Variants in PLXNA2 observed in about 807,000 individuals in gnomAD.
PLXNA2 encodes plexin-A2.
A neutral mutation model predicts 193.5 loss-of-function variants in PLXNA2; 91 were observed. That is an observed-to-expected ratio of 0.47 (90% CI 0.40 to 0.56). The LOEUF (loss-of-function observed/expected upper bound fraction) is 0.56, where lower values mean the gene tolerates loss of function less well. Ranked by LOEUF, PLXNA2 falls within the 20% of genes least tolerant of loss-of-function variation. The pLI is 0.00. For missense variants in PLXNA2, 1,995 were observed against 2,503.2 expected, an observed-to-expected ratio of 0.80 and a Z score of 4.33; for synonymous variants, 997 against 1,027.3, an observed-to-expected ratio of 0.97 and a Z score of 0.56.
In PLXNA2 at chr1:208,082,646, C is replaced by T. The variant is rs75241668; in HGVS notation, c.2299-138G>A. 11,739 of 686,442 alleles carry T rather than the reference C, an allele frequency of 0.017. 499 individuals are homozygous for T. The highest frequency in any genetic ancestry group is 0.1 in the East Asian group (3,682 of 36,124). 42.5% of individuals were successfully genotyped at this position (686,442 alleles called of 1,614,324 possible). On this transcript the variant is annotated intron_variant, in intron 10 of 31. Coordinates refer to ENST00000367033, the MANE Select transcript of PLXNA2 (RefSeq NM_025179.4). This position sits in a 1 kb window ranked among gnomAD's most constrained non-coding sequence, Gnocchi z 4.2. Reference sequence around the variant, plus strand: ...TCCCAGTCACTAATGCCAAGAGAATCCCACCCAAGCCTCCTAGCTTGGCAT... The same window carrying T: ...TCCCAGTCACTAATGCCAAGAGAATTCCACCCAAGCCTCCTAGCTTGGCAT...
intron 1 of PLXNA2, among the ~76,000 whole-genome samples, chr1:208,229,055 C>A (rs1000829978): frequency 9.9e-5 from 15 of 152,200 alleles, no homozygotes; most frequent in African/African-American, 2.9e-4. Flanking sequence ...GGAGAAGATG[C>A]TGAGATACCA....
chr1:208,109,647 G>A (rs1289322125), intron 4 of PLXNA2, among the ~76,000 whole-genome samples: 3 of 152,192 alleles, frequency 2.0e-5, no homozygotes, highest in Non-Finnish European at 2.9e-5. Context: ...CCCAAAGAGC[G>A]CTTAAGTCCT....
rs769312308 is a variant in PLXNA2, at chr1:208,046,115, C to A, written c.3258G>T (p.Val1086=). 6.2e-7 allele frequency: 1 copy of A among 1,613,438 alleles called. No homozygotes were observed. The highest frequency in any genetic ancestry group is 2.2e-5 in the East Asian group (1 of 44,856). Residue 1086 remains valine (V), a splice_region_variant and synonymous_variant, in exon 18 of 32, where the codon GTG becomes GTT. Coordinates refer to ENST00000367033, the MANE Select transcript of PLXNA2 (RefSeq NM_025179.4). The part of the protein sequence containing the change: ...VKFNGKESVN[V]CKVVNTTTLT... ...GGGTGGTTGTGTTCACAACTTTACA[C>A]ACCTAAGAGATCCAGAGCGCAGCAT...
rs1454957178 is a variant in PLXNA2 at position 208,060,652 on chromosome 1, C to T, written c.2738+34G>A. The T allele has an allele frequency of 5.7e-6, 9 of 1,587,336 alleles. No individual in the cohort carries two copies. The Admixed American group carries it at 8.7e-5, about 15-fold the overall frequency. ...AGTCTCCAGTCTCCACTCTGAAGCT[C>T]CCATGGGAAAAGGGCTGGCCAGGGC... On this transcript the variant is annotated intron_variant, in intron 13 of 31. Coordinates refer to ENST00000367033, the MANE Select transcript of PLXNA2 (RefSeq NM_025179.4).
At chr1:208,034,463 A>G in intron 27 of PLXNA2, 30 bp downstream of exon 27, 2 of 1,422,432 alleles carry the variant, frequency 1.4e-6, no homozygotes, top group Non-Finnish European at 2.0e-6. Flanking sequence ...CTCTGCTCTG[A>G]GCTGCCCAGT....
chr1:208,062,318 C>T (rs138420535), intron 12 of PLXNA2, among the ~76,000 whole-genome samples: 140 of 152,282 alleles, frequency 9.2e-4, no homozygotes, highest in African/African-American at 3.3e-3. Flanking sequence ...CCTGGCTTCT[C>T]GGCAGGTGCA....
chr1:208,032,916 C>T (rs935956876), intron 28 of PLXNA2, among the ~76,000 whole-genome samples: 2 of 152,192 alleles, frequency 1.3e-5, no homozygotes, highest in Non-Finnish European at 2.9e-5. Flanking sequence ...AAACAGTAGT[C>T]TCAAGAAGTA....
chr1:208,171,580 C>A (rs1241891892), intron 3 of PLXNA2, among the ~76,000 whole-genome samples: 5 of 152,170 alleles, frequency 3.3e-5, no homozygotes, highest in Non-Finnish European at 7.3e-5. Context: ...CTCATCCCAA[C>A]ACCTTCATGC....
In PLXNA2 at chr1:208,209,987, T is replaced by A. The variant is rs1041184839; in HGVS notation, c.1371+293A>T. The A allele has an allele frequency of 2.3e-3, 387 of 165,358 alleles. 18 individuals carry two copies. Among genetic ancestry groups the A allele is most frequent in the South Asian group, 0.01 (65 of 6,436 alleles). 10.2% of individuals were successfully genotyped at this position (165,358 alleles called of 1,614,324 possible). A position where few individuals can be genotyped will look rare whatever the true frequency, so the allele number is the denominator to read the frequency against. On this transcript the variant is annotated intron_variant, in intron 3 of 31. Transcript: ENST00000367033. The stretch of plus-strand genomic sequence containing the variant: ...TTGATTTGGGAATGAAGAGCAATTT[T>A]TTTTTTTTTTTTTTTTTGCTTTTGC...
At chr1:208,111,052 C>T (rs1223789885) in intron 4 of PLXNA2, among the ~76,000 whole-genome samples, 2 of 151,940 alleles carry the variant, frequency 1.3e-5, no homozygotes, top group Admixed American at 6.6e-5. Flanking sequence ...GAAAGATTCC[C>T]TAAGGGATTT....
intron 7 of PLXNA2, 45 bp downstream of exon 7, chr1:208,096,685 T>C (rs775553445): frequency 1.4e-4 from 219 of 1,608,402 alleles, no homozygotes; most frequent in South Asian, 5.2e-4. Flanking sequence ...TCCCTCAGTA[T>C]AGAGAAGCCC....
chr1:208,154,893 T>C (rs1186218870), intron 3 of PLXNA2, among the ~76,000 whole-genome samples: 4 of 152,066 alleles, frequency 2.6e-5, no homozygotes, highest in Admixed American at 6.6e-5. Context: ...ACAAATGAGA[T>C]AAGGAATGTG....
chr1:208,213,887 T>G (rs1671042627), intron 2 of PLXNA2, among the ~76,000 whole-genome samples: 1 of 152,224 alleles, frequency 6.6e-6, no homozygotes, highest in Admixed American at 6.5e-5. Context: ...CCAGTGCCTT[T>G]GCTATCCTTT....
intron 22 of PLXNA2, among the ~76,000 whole-genome samples, chr1:208,040,749 T>C (rs1474464474): frequency 6.6e-6 from 1 of 152,240 alleles, no homozygotes; most frequent in Non-Finnish European, 1.5e-5. Context: ...TTAGCTGTCA[T>C]TATTGCTGTC....
At chr1:208,128,103 C>T (rs547096816) in intron 4 of PLXNA2, among the ~76,000 whole-genome samples, 3 of 152,290 alleles carry the variant, frequency 2.0e-5, no homozygotes, top group African/African-American at 7.2e-5. Context: ...CTGACTAGAT[C>T]AACCAGTAAA....
At chr1:208,139,100 T>C (rs1668393268) in intron 4 of PLXNA2, among the ~76,000 whole-genome samples, 2 of 152,190 alleles carry the variant, frequency 1.3e-5, no homozygotes, top group African/African-American at 4.8e-5. Flanking sequence ...CTGCTTTTGG[T>C]TTAGTCTCAG....
At position 208,152,416 on chromosome 1, in the gene PLXNA2, T is replaced by A. The variant is rs75723776; in HGVS notation, c.1372-9953A>T. Among the ~76,000 whole-genome samples the A allele has an allele frequency of 4.4e-3, 665 of 152,324 alleles. 4 individuals carry two copies. The highest frequency in any genetic ancestry group is 8.7e-3 in the Admixed American group (133 of 15,300). On this transcript the variant is annotated intron_variant, in intron 3 of 31. Coordinates refer to ENST00000367033, the MANE Select transcript of PLXNA2 (RefSeq NM_025179.4). ...CTTTATTGCCTCTTATCTGGGCTACTGCAATAACCTGAGAAATCTCCCTGC... is the reference window on the plus strand; with the variant it reads ...CTTTATTGCCTCTTATCTGGGCTACAGCAATAACCTGAGAAATCTCCCTGC...
chr1:208,049,365 T>A (rs1375742282), intron 17 of PLXNA2, among the ~76,000 whole-genome samples: 2 of 150,508 alleles, frequency 1.3e-5, no homozygotes, highest in African/African-American at 4.9e-5. Context: ...TTCCCATACC[T>A]CACCCTAGAC....
chr1:208,220,837 C>G (rs1671306278), intron 1 of PLXNA2, among the ~76,000 whole-genome samples: 1 of 152,136 alleles, frequency 6.6e-6, no homozygotes, highest in Admixed American at 6.5e-5. Flanking sequence ...CCTTTCCCAC[C>G]CACAATGAGA....
Sources: allele counts gnomAD v4.1 joint callset (sites outside exome capture counted in the v4.1 genomes callset), GRCh38; gene constraint gnomAD v4.1.1; non-coding constraint Gnocchi (gnomAD v3.1); transcripts MANE v1.5; gene names NCBI Gene and HGNC (gene_info 2026-07-23, HGNC 2026-07-21).